Variants in SIPA1L1 observed in about 807,000 individuals in gnomAD.
SIPA1L1 encodes the protein signal-induced proliferation-associated 1-like protein 1.
Under a neutral mutation model 162.7 loss-of-function variants are expected in SIPA1L1, and 26 were observed. That is an observed-to-expected ratio of 0.16 (90% CI 0.12 to 0.22). The LOEUF (loss-of-function observed/expected upper bound fraction) is 0.22. Ranked by LOEUF, SIPA1L1 falls within the 10% of genes least tolerant of loss-of-function variation. The probability of loss-of-function intolerance (pLI) is 1.00; values close to 1 mark genes in which losing one functional copy is unlikely to be tolerated. For synonymous variants in SIPA1L1, 829 were observed against 837.4 expected, an observed-to-expected ratio of 0.99 and a Z score of 0.17; for missense variants, 1,874 against 2,241.0, an observed-to-expected ratio of 0.84 and a Z score of 3.31.
At chr14:71,676,319 A>G (rs958356676) in intron 12 of SIPA1L1, among the ~76,000 whole-genome samples, 1 of 151,690 alleles carries the variant, frequency 6.6e-6, no homozygotes, top group Non-Finnish European at 1.5e-5. Context: ...TAAATAAAAT[A>G]ACATGTAAAA....
chr14:71,371,197 A>C (rs1019507832), intron 2 of SIPA1L1, among the ~76,000 whole-genome samples: 1 of 152,132 alleles, frequency 6.6e-6, no homozygotes, highest in Admixed American at 6.5e-5. Flanking sequence ...GTGAATAAGA[A>C]ATACTTGTTA....
intron 4 of SIPA1L1, among the ~76,000 whole-genome samples, chr14:71,575,884 G>A (rs2032943495): frequency 6.6e-6 from 1 of 152,194 alleles, no homozygotes; most frequent in Admixed American, 6.5e-5. Context: ...AAGAGAGAAA[G>A]ATGAAGCTGA....
intron 3 of SIPA1L1, among the ~76,000 whole-genome samples, chr14:71,525,095 T>G (rs1371910988): frequency 6.6e-6 from 1 of 151,898 alleles, no homozygotes; most frequent in Non-Finnish European, 1.5e-5. Context: ...TACCTCAGCC[T>G]CCTGAGTAGC....
intron 7 of SIPA1L1, among the ~76,000 whole-genome samples, chr14:71,633,114 TATG>T (rs1445884150): frequency 4.9e-4 from 54 of 111,158 alleles, no homozygotes; most frequent in African/African-American, 1.8e-3. Flanking sequence ...GCATGATTGT[TATG>T]TTATGTTATG....
chr14:71,522,122 TTC>T (rs766788358), intron 3 of SIPA1L1, among the ~76,000 whole-genome samples: 1 of 152,234 alleles, frequency 6.6e-6, no homozygotes. Context: ...GGGTTGATAG[TTC>T]TCTCTCTTAG....
intron 2 of SIPA1L1, among the ~76,000 whole-genome samples, chr14:71,386,513 T>C (rs1379487564): frequency 1.3e-5 from 2 of 152,170 alleles, no homozygotes; most frequent in African/African-American, 4.8e-5. Context: ...TCCAATCAAG[T>C]TGACACTGAA....
intron 2 of SIPA1L1, among the ~76,000 whole-genome samples, chr14:71,461,398 C>G (rs544315134): frequency 3.9e-5 from 6 of 152,160 alleles, no homozygotes; most frequent in Non-Finnish European, 7.3e-5. Context: ...TTCATGGGCC[C>G]ATTGGGTGAT....
At chr14:71,354,470 T>A (rs1253209116) in intron 2 of SIPA1L1, among the ~76,000 whole-genome samples, 1 of 151,698 alleles carries the variant, frequency 6.6e-6, no homozygotes, top group Non-Finnish European at 1.5e-5. Context: ...AGAGGGGGGG[T>A]TTCACCATGT....
intron 16 of SIPA1L1, among the ~76,000 whole-genome samples, chr14:71,707,507 C>T (rs1157046187): frequency 2.0e-5 from 3 of 152,156 alleles, no homozygotes; most frequent in Admixed American, 1.3e-4. Flanking sequence ...ACCAGTTTCT[C>T]TCTCTGGATT....
chr14:71,698,653 A>ATC (rs772924061), intron 13 of SIPA1L1, among the ~76,000 whole-genome samples: 8 of 152,246 alleles, frequency 5.3e-5, no homozygotes, highest in Non-Finnish European at 1.2e-4. Context: ...GGGTTCAATT[A>ATC]TCTTCTGCTC....
At chr14:71,707,913 A>C (rs148786406) in intron 16 of SIPA1L1, among the ~76,000 whole-genome samples, 105 of 150,458 alleles carry the variant, frequency 7.0e-4, no homozygotes, top group African/African-American at 2.5e-3. Context: ...GCTTTTTTTT[A>C]TTATAGCCAA....
chr14:71,457,420 T>C (rs2046266702), intron 2 of SIPA1L1, among the ~76,000 whole-genome samples: 1 of 151,678 alleles, frequency 6.6e-6, no homozygotes, highest in South Asian at 2.1e-4. Context: ...TGCCTCAGCT[T>C]CCTGAGTAGC....
At chr14:71,463,710 A>G (rs1379947428) in intron 2 of SIPA1L1, among the ~76,000 whole-genome samples, 1 of 152,200 alleles carries the variant, frequency 6.6e-6, no homozygotes, top group Non-Finnish European at 1.5e-5. Flanking sequence ...TTGAGGGGCC[A>G]TGATTCTCTA....
At chr14:71,415,202 A>G (rs532151259) in intron 2 of SIPA1L1, among the ~76,000 whole-genome samples, 2 of 152,298 alleles carry the variant, frequency 1.3e-5, no homozygotes, top group East Asian at 3.9e-4. Flanking sequence ...TAATTGGAGC[A>G]CTGCTTTTAA....
chr14:71,377,185 G>C lies in SIPA1L1; in HGVS notation c.-465+56004G>C, dbSNP rs563279239. ...GCCCCCACCTCCCAGATGGGGCGGC[G>C]GCCGGGTGGGGGCGCCCCCCCACCT... On this transcript the variant is annotated intron_variant, in intron 2 of 23. Transcript: ENST00000381232. The surrounding 1 kb of genome is among the most constrained non-coding windows in gnomAD (Gnocchi z 4.8). Among the ~76,000 whole-genome samples, 27 of 150,152 alleles carry C rather than the reference G, an allele frequency of 1.8e-4. No homozygotes were observed. Among genetic ancestry groups the C allele is most frequent in the African/African-American group, 4.9e-4 (20 of 40,896 alleles).
rs1370839559 is a variant in SIPA1L1, at chr14:71,618,839, A to G, written c.1581A>G (p.Lys527=). 2 of 1,613,980 alleles carry G rather than the reference A, an allele frequency of 1.2e-6. No homozygotes were observed. The highest frequency in any genetic ancestry group is 4.5e-5 in the East Asian group (2 of 44,882). Residue 527 remains lysine, a synonymous_variant, in exon 6 of 24, where the codon AAA becomes AAG. Coordinates refer to ENST00000381232, the MANE Select transcript of SIPA1L1 (RefSeq NM_001386936.1). ...GAAGGGAAAAACCAGATGAAATGAA[A>G]GAAAATGGATCTCCGTACAACTACC... ...SIRREKPDEM[K]ENGSPYNYRI...
chr14:71,678,371 A>G (rs889609478), intron 12 of SIPA1L1, among the ~76,000 whole-genome samples: 1 of 152,188 alleles, frequency 6.6e-6, no homozygotes, highest in Non-Finnish European at 1.5e-5. Flanking sequence ...ATTTTGTCAG[A>G]GGCCTTTTCT....
At chr14:71,438,595 C>T (rs1481880909) in intron 2 of SIPA1L1, among the ~76,000 whole-genome samples, 7 of 152,138 alleles carry the variant, frequency 4.6e-5, no homozygotes, top group South Asian at 4.1e-4. Flanking sequence ...AAAAGGACCA[C>T]GGTTGCTTTG....
intron 2 of SIPA1L1, among the ~76,000 whole-genome samples, chr14:71,357,674 G>C (rs983135142): frequency 6.6e-6 from 1 of 152,138 alleles, no homozygotes. Flanking sequence ...CGATTCTCTA[G>C]CCTCAGCCTG....
Sources: gnomAD v4.1 joint callset for allele counts (sites outside exome capture counted in the v4.1 genomes callset) on GRCh38, gnomAD v4.1.1 for gene constraint, Gnocchi (gnomAD v3.1) non-coding constraint, MANE v1.5 for transcripts, NCBI Gene and HGNC (gene_info 2026-07-23, HGNC 2026-07-21) for gene names.